The following B3GALT1 variants were observed in gnomAD, a reference collection of about 807,000 sequenced individuals.
The protein encoded by B3GALT1 is beta-1,3-galactosyltransferase 1.
B3GALT1 carries 10 observed loss-of-function variants against 23.2 expected under a neutral mutation model. The ratio of observed to expected loss-of-function variants is 0.43; its 90% CI spans 0.27 to 0.73. The LOEUF (loss-of-function observed/expected upper bound fraction) is 0.73, where lower values mean the gene tolerates loss of function less well. B3GALT1 is among the 30% of genes least tolerant of loss of function. The pLI is 0.21. For missense variants in B3GALT1, 299 were observed against 405.4 expected (o/e 0.74, Z 2.25); for synonymous variants, 156 against 141.5 (o/e 1.10, Z -0.73).
intron 1 of B3GALT1, among the ~76,000 whole-genome samples, chr2:167,371,289 T>A (rs1379730972): frequency 6.6e-6 from 1 of 152,196 alleles, no homozygotes; most frequent in Non-Finnish European, 1.5e-5. Context: ...TAAAACTCTT[T>A]AATCTTTATA....
At chr2:167,491,903 A>G (rs556752405) in intron 2 of B3GALT1, among the ~76,000 whole-genome samples, 5 of 152,058 alleles carry the variant, frequency 3.3e-5, no homozygotes, top group South Asian at 4.2e-4. Flanking sequence ...CTCAATCCAC[A>G]CTCAGTTTTC....
chr2:167,762,047 A>G (rs561442828), intron 3 of B3GALT1, among the ~76,000 whole-genome samples: 9 of 152,310 alleles, frequency 5.9e-5, no homozygotes, highest in African/African-American at 1.9e-4. Context: ...GGAGGGTGTA[A>G]TTTCTCTTTT....
chr2:167,309,380 A>G (rs1696601076), intron 1 of B3GALT1, among the ~76,000 whole-genome samples: 1 of 152,104 alleles, frequency 6.6e-6, no homozygotes, highest in Non-Finnish European at 1.5e-5. Flanking sequence ...GAAGAAATAG[A>G]TAATATACAA....
At chr2:167,409,103 C>G (rs1373988600) in intron 1 of B3GALT1, among the ~76,000 whole-genome samples, 3 of 152,154 alleles carry the variant, frequency 2.0e-5, no homozygotes, top group Non-Finnish European at 4.4e-5. Context: ...AGAGACATCC[C>G]CATACTTCAG....
At chr2:167,505,943 C>G (rs1332039864) in intron 2 of B3GALT1, among the ~76,000 whole-genome samples, 3 of 151,964 alleles carry the variant, frequency 2.0e-5, no homozygotes, top group Non-Finnish European at 4.4e-5. Context: ...TCCTGTAGTC[C>G]CGGCTACTTG....
chr2:167,475,578 A>G (rs1699474632), intron 1 of B3GALT1, among the ~76,000 whole-genome samples: 1 of 152,094 alleles, frequency 6.6e-6, no homozygotes. Context: ...TTCAACTACA[A>G]AAGATACAGC....
chr2:167,404,230 C>A (rs1302935403), intron 1 of B3GALT1, among the ~76,000 whole-genome samples: 6 of 152,062 alleles, frequency 3.9e-5, no homozygotes, highest in Non-Finnish European at 8.8e-5. Context: ...ACTAATAGAG[C>A]AAGGACTGAC....
chr2:167,601,355 C>T (rs1034732529), intron 2 of B3GALT1, among the ~76,000 whole-genome samples: 4 of 152,156 alleles, frequency 2.6e-5, no homozygotes, highest in Non-Finnish European at 4.4e-5. Flanking sequence ...CCTAGATCCT[C>T]CTTTAGAGTT....
At chr2:167,390,042 C>G (rs1206019164) in intron 1 of B3GALT1, among the ~76,000 whole-genome samples, 3 of 151,848 alleles carry the variant, frequency 2.0e-5, no homozygotes, top group Non-Finnish European at 4.4e-5. Flanking sequence ...AGAAGCCCAA[C>G]TTATATACAC....
At chr2:167,780,972 T>C (rs1688235806) in intron 3 of B3GALT1, among the ~76,000 whole-genome samples, 1 of 152,232 alleles carries the variant, frequency 6.6e-6, no homozygotes, top group South Asian at 2.1e-4. Flanking sequence ...CTTAATTTTA[T>C]GTCATGTGAA....
intron 1 of B3GALT1, among the ~76,000 whole-genome samples, chr2:167,453,624 A>C (rs1179387417): frequency 6.6e-6 from 1 of 152,228 alleles, no homozygotes; most frequent in Non-Finnish European, 1.5e-5. Context: ...AATTATGTTT[A>C]CAAAGGCACT....
intron 2 of B3GALT1, among the ~76,000 whole-genome samples, chr2:167,586,629 C>T (rs1684589504): frequency 6.6e-6 from 1 of 152,156 alleles, no homozygotes; most frequent in South Asian, 2.1e-4. Flanking sequence ...TACCTTTCAA[C>T]TGCACATTTA....
rs1690284890 is a variant in B3GALT1 at position 167,868,847 on chromosome 2, A to G, written c.-193A>G. The G allele has an allele frequency of 3.4e-6, 2 of 590,776 alleles. No individual in the cohort carries two copies. The highest frequency in any genetic ancestry group is 3.2e-5 in the Admixed American group (1 of 30,908). The allele number at this position is 590,776 out of a possible 1,614,324, so 36.6% of individuals were successfully genotyped here. A position where few individuals can be genotyped will look rare whatever the true frequency, so the allele number is the denominator to read the frequency against. ...AGATTTATGAGTCATGGAACCCTCCATCAGATTTGGAAGAAAGTAGAATGA... is the reference window on the plus strand; with the variant it reads ...AGATTTATGAGTCATGGAACCCTCCGTCAGATTTGGAAGAAAGTAGAATGA... On this transcript the variant is annotated 5_prime_UTR_variant, in exon 5 of 5. Coordinates refer to ENST00000392690, the MANE Select transcript of B3GALT1 (RefSeq NM_020981.4).
chr2:167,407,170 G>C (rs769111828), intron 1 of B3GALT1, among the ~76,000 whole-genome samples: 7 of 151,914 alleles, frequency 4.6e-5, no homozygotes, highest in African/African-American at 1.2e-4. Context: ...AACAAAACTA[G>C]AAATCAATAA....
chr2:167,706,896 G>T (rs1488684790), intron 3 of B3GALT1, among the ~76,000 whole-genome samples: 1 of 152,190 alleles, frequency 6.6e-6, no homozygotes, highest in African/African-American at 2.4e-5. Flanking sequence ...CAGACCAATA[G>T]AATCTGACAG....
At chr2:167,863,103 A>AT (rs572739295) in intron 4 of B3GALT1, among the ~76,000 whole-genome samples, 3 of 151,502 alleles carry the variant, frequency 2.0e-5, no homozygotes, top group Admixed American at 1.3e-4. Flanking sequence ...GTTAAAAAAG[A>AT]TTTTTTTTTA....
intron 2 of B3GALT1, among the ~76,000 whole-genome samples, chr2:167,635,229 G>T (rs149228428): frequency 6.6e-6 from 1 of 151,894 alleles, no homozygotes; most frequent in African/African-American, 2.4e-5. Flanking sequence ...TATGACAAAC[G>T]CACAGTCAAT....
chr2:167,843,468 A>G (rs1689691088), intron 4 of B3GALT1, among the ~76,000 whole-genome samples: 3 of 152,134 alleles, frequency 2.0e-5, no homozygotes. Context: ...TCATTATTCT[A>G]TTGGCTAATC....
chr2:167,754,900 C>T (rs1687793167), intron 3 of B3GALT1, among the ~76,000 whole-genome samples: 1 of 152,224 alleles, frequency 6.6e-6, no homozygotes, highest in Non-Finnish European at 1.5e-5. Flanking sequence ...TTTAAAACAT[C>T]TGGCTAGCAT....
Sources: allele counts gnomAD v4.1 joint callset (sites outside exome capture counted in the v4.1 genomes callset), GRCh38; gene constraint gnomAD v4.1.1; transcripts MANE v1.5; gene names NCBI Gene and HGNC (gene_info 2026-07-23, HGNC 2026-07-21).